The following WDPCP variants were observed in gnomAD, a reference collection of about 807,000 sequenced individuals.
WDPCP encodes the protein WD repeat containing planar cell polarity effector.
Under a neutral mutation model 93.1 loss-of-function variants are expected in WDPCP, and 71 were observed. The ratio of observed to expected loss-of-function variants is 0.76; its 90% CI spans 0.63 to 0.93. The LOEUF (loss-of-function observed/expected upper bound fraction) is 0.93, where lower values mean the gene tolerates loss of function less well. WDPCP is among the 40% of genes least tolerant of loss of function. WDPCP has a pLI of 0.00. For synonymous variants in WDPCP, 315 were observed against 315.0 expected (o/e 1.00, Z 0.00); for missense variants, 844 against 887.4 (o/e 0.95, Z 0.62).
chr2:63,703,316 G>A (rs1224049263), intron 2 of WDPCP, among the ~76,000 whole-genome samples: 1 of 152,174 alleles, frequency 6.6e-6, no homozygotes, highest in African/African-American at 2.4e-5. Flanking sequence ...CACAATGGTT[G>A]AACTAGTTTA....
At chr2:63,770,280 T>C (rs2103943291) in intron 2 of WDPCP, among the ~76,000 whole-genome samples, 1 of 151,938 alleles carries the variant, frequency 6.6e-6, no homozygotes, top group African/African-American at 2.4e-5. Flanking sequence ...ATTAGGAAAA[T>C]ACAACATATT....
intron 3 of WDPCP, among the ~76,000 whole-genome samples, chr2:63,602,561 T>C (rs906238331): frequency 6.6e-6 from 1 of 152,122 alleles, no homozygotes; most frequent in African/African-American, 2.4e-5. Context: ...CACTTATTTT[T>C]TTCTGTGTCT....
rs185310820 is a variant in WDPCP at position 63,769,558 on chromosome 2, C to T, written n.308+44064G>A. On this transcript the variant is annotated intron_variant and non_coding_transcript_variant, in intron 2 of 4. Coordinates refer to the WDPCP transcript ENST00000467687. ...CTGTGTTTCTTTCTTGTATTGGCCTCGTGAGGTTTTGGTACCAGGTTATGT... is the reference window on the plus strand; with the variant it reads ...CTGTGTTTCTTTCTTGTATTGGCCTTGTGAGGTTTTGGTACCAGGTTATGT... 1.1e-3 allele frequency among the ~76,000 whole-genome samples: 171 copies of T among 151,888 alleles called. 1 individual carries two copies. The highest frequency in any genetic ancestry group is 3.9e-3 in the African/African-American group (162 of 41,488).
chr2:63,190,220 C>T (rs2104212759), intron 14 of WDPCP, among the ~76,000 whole-genome samples: 1 of 151,852 alleles, frequency 6.6e-6, no homozygotes, highest in Admixed American at 6.6e-5. Context: ...TTGAGCCAAG[C>T]AGTTCAAGAC....
At chr2:63,599,086 T>TA in intron 3 of WDPCP, 1 of 1,421,084 alleles carries the variant, frequency 7.0e-7, no homozygotes, top group African/African-American at 1.4e-5. Context: ...AGGCTACCTG[T>TA]TAGACATTTT....
In WDPCP at chr2:63,777,942, G is replaced by A. The variant is rs573519553; in HGVS notation, n.308+35680C>T. Among the ~76,000 whole-genome samples, 53 of 152,252 alleles carry A rather than the reference G, an allele frequency of 3.5e-4. 1 individual carries two copies. The highest frequency in any genetic ancestry group is 1.2e-3 in the African/African-American group (50 of 41,560). On this transcript the variant is annotated intron_variant and non_coding_transcript_variant, in intron 2 of 4. Transcript: ENST00000467687. The stretch of plus-strand genomic sequence containing the variant: ...TTGTATGCAATTATACCTCAATAAA[G>A]CTGTCTTTAAAAACTGTATAGATGA...
At chr2:63,648,441 C>T (rs1239642466) in intron 3 of WDPCP, among the ~76,000 whole-genome samples, 1 of 152,140 alleles carries the variant, frequency 6.6e-6, no homozygotes, top group Non-Finnish European at 1.5e-5. Flanking sequence ...GTATGTCATT[C>T]AATGAGTTGG....
chr2:63,371,143 T>C (rs904788970), intron 12 of WDPCP, among the ~76,000 whole-genome samples: 3 of 152,188 alleles, frequency 2.0e-5, no homozygotes, highest in African/African-American at 4.8e-5. Flanking sequence ...TGGAGTCTTA[T>C]CAATCTTGTC....
chr2:63,760,444 C>T (rs1301060640), intron 2 of WDPCP, among the ~76,000 whole-genome samples: 1 of 151,860 alleles, frequency 6.6e-6, no homozygotes, highest in African/African-American at 2.4e-5. Context: ...TGGAATATTT[C>T]CCTTCCTGCC....
At chr2:63,328,662 C>A (rs969486846) in intron 12 of WDPCP, among the ~76,000 whole-genome samples, 2 of 152,196 alleles carry the variant, frequency 1.3e-5, no homozygotes, top group Non-Finnish European at 2.9e-5. Flanking sequence ...CAATTCCAGA[C>A]ACATTACCAC....
At chr2:63,690,741 C>T (rs756091658) in intron 2 of WDPCP, among the ~76,000 whole-genome samples, 9 of 151,670 alleles carry the variant, frequency 5.9e-5, no homozygotes, top group Non-Finnish European at 1.5e-5. Flanking sequence ...GACCCTGTCT[C>T]GAGAAAACAA....
chr2:63,589,248 G>C, upstream of WDPCP: 1 of 1,553,304 alleles, frequency 6.4e-7, no homozygotes, highest in Non-Finnish European at 8.7e-7. Context: ...GGGGTATGGG[G>C]CGCTCTTAGG....
At chr2:63,175,803 A>G (rs1001677031) in intron 14 of WDPCP, among the ~76,000 whole-genome samples, 7 of 152,140 alleles carry the variant, frequency 4.6e-5, no homozygotes, top group African/African-American at 1.7e-4. Context: ...TGTTGTATGT[A>G]TATACCATGC....
At chr2:63,186,254 T>A (rs1311009629) in intron 14 of WDPCP, among the ~76,000 whole-genome samples, 1 of 152,002 alleles carries the variant, frequency 6.6e-6, no homozygotes, top group East Asian at 1.9e-4. Context: ...CTCTAGCAAA[T>A]CTCCTCCCTC....
intron 13 of WDPCP, 106 bp from the exon 14 acceptor site, chr2:63,259,515 G>T: frequency 1.1e-6 from 1 of 915,052 alleles, no homozygotes; most frequent in African/African-American, 1.7e-5. Flanking sequence ...AATAGAAACA[G>T]TTTGTAAATA....
At chr2:63,387,379 A>G (rs1692823028) in intron 10 of WDPCP, among the ~76,000 whole-genome samples, 1 of 152,090 alleles carries the variant, frequency 6.6e-6, no homozygotes, top group Non-Finnish European at 1.5e-5. Flanking sequence ...AAAAACAAAA[A>G]CCACACAATC....
At chr2:63,300,852 T>C (rs1208992827) in intron 13 of WDPCP, among the ~76,000 whole-genome samples, 1 of 151,166 alleles carries the variant, frequency 6.6e-6, no homozygotes, top group African/African-American at 2.4e-5. Context: ...GTCTGGAGAG[T>C]ACATGGCATT....
chr2:63,461,768 G>A (rs544824959), intron 6 of WDPCP, among the ~76,000 whole-genome samples: 11 of 152,274 alleles, frequency 7.2e-5, no homozygotes, highest in Middle Eastern at 6.8e-3. Context: ...ATTATACCAA[G>A]GTGTACCATT....
chr2:63,711,603 A>T (rs1014740475), intron 2 of WDPCP: 3 of 152,232 alleles, frequency 2.0e-5, no homozygotes, highest in African/African-American at 7.2e-5. Flanking sequence ...TAAAAAACAA[A>T]ACAAAACAAA....
Sources: gnomAD v4.1 joint callset for allele counts (sites outside exome capture counted in the v4.1 genomes callset) on GRCh38, gnomAD v4.1.1 for gene constraint, MANE v1.5 for transcripts, NCBI Gene and HGNC (gene_info 2026-07-23, HGNC 2026-07-21) for gene names.